The following SPEF2 variants were observed in gnomAD, a reference collection of about 807,000 sequenced individuals.
The protein encoded by SPEF2 is sperm flagella and cilia-associated protein 2.
A neutral mutation model predicts 224.6 loss-of-function variants in SPEF2; 187 were observed. The observed-to-expected ratio is 0.83, with a 90% CI of 0.74 to 0.94. SPEF2 has a LOEUF of 0.94. Among genes scored for constraint, SPEF2 ranks in the 40% least tolerant of loss-of-function variants. The pLI, the probability that SPEF2 is intolerant of heterozygous loss-of-function variation, is 0.00. For synonymous variants in SPEF2, 715 were observed against 707.3 expected (o/e 1.01, Z -0.17); for missense variants, 2,170 against 2,135.6 (o/e 1.02, Z -0.32).
intron 6 of SPEF2, among the ~76,000 whole-genome samples, chr5:35,653,854 G>A (rs1174334564): frequency 1.3e-5 from 2 of 150,970 alleles, no homozygotes; most frequent in African/African-American, 2.4e-5. Context: ...GGCTGAGGCA[G>A]GAGAATTGCT....
chr5:35,747,453 C>T (rs1357492675), intron 23 of SPEF2, among the ~76,000 whole-genome samples: 1 of 152,168 alleles, frequency 6.6e-6, no homozygotes, highest in Non-Finnish European at 1.5e-5. Context: ...ACTCACCTAA[C>T]ACATAAGGAC....
chr5:35,665,443 G>A (rs1750336966), intron 8 of SPEF2, among the ~76,000 whole-genome samples: 1 of 150,468 alleles, frequency 6.6e-6, no homozygotes, highest in South Asian at 2.1e-4. Context: ...GGAACAGAGG[G>A]AGGGAGGGAG....
At chr5:35,805,097 G>C (rs985738158) in intron 34 of SPEF2, among the ~76,000 whole-genome samples, 1 of 152,150 alleles carries the variant, frequency 6.6e-6, no homozygotes, top group African/African-American at 2.4e-5. Context: ...CTGCCATGTA[G>C]CATTTCCAGA....
chr5:35,694,501 C>A, intron 13 of SPEF2, 138 bp downstream of exon 13: 1 of 661,608 alleles, frequency 1.5e-6, no homozygotes, highest in South Asian at 2.4e-5. Flanking sequence ...TACATATGGC[C>A]ATTTGACAGA....
intron 24 of SPEF2, among the ~76,000 whole-genome samples, 192 bp from the exon 25 acceptor site, chr5:35,759,376 A>G (rs1292487992): frequency 6.6e-6 from 1 of 152,230 alleles, no homozygotes; most frequent in Admixed American, 6.5e-5. Flanking sequence ...TAGAGAATGC[A>G]AAGTCACTAG....
chr5:35,789,499 T>C (rs1755657220), intron 30 of SPEF2: 1 of 653,876 alleles, frequency 1.5e-6, no homozygotes. Flanking sequence ...CTCCCCAGAC[T>C]AGGGCCAAAA....
intron 25 of SPEF2, among the ~76,000 whole-genome samples, chr5:35,760,273 G>C (rs1252086287): frequency 6.6e-6 from 1 of 151,746 alleles, no homozygotes; most frequent in Non-Finnish European, 1.5e-5. Context: ...TGAGGCAGGA[G>C]AATGGCATGA....
At position 35,814,531 on chromosome 5, in the gene SPEF2, G is replaced by T; in HGVS notation, c.5447G>T (p.Arg1816Ile). Residue 1816 changes from arginine to isoleucine, a missense_variant, in exon 37 of 37, where the codon AGA becomes ATA. Arg to Ile is a moderately conservative substitution (Grantham distance 97). Transcript: ENST00000356031. ...QGSDGERSPS[R>I]HTEEKK ...AGTGATGGAGAGAGATCACCTTCAA[G>T]ACATACAGAGGAAAAGAAATGAAGA... is the stretch of plus-strand genomic sequence containing the variant. The T allele has an allele frequency of 3.7e-6, 6 of 1,606,592 alleles. No individual in the cohort carries two copies. Among genetic ancestry groups the T allele is most frequent in the South Asian group, 1.1e-5 (1 of 89,690 alleles).
intron 1 of SPEF2, among the ~76,000 whole-genome samples, chr5:35,626,207 A>G: frequency 6.6e-6 from 1 of 152,198 alleles, no homozygotes; most frequent in East Asian, 1.9e-4. Flanking sequence ...TTTTCTCAAG[A>G]GTTGCTTCAG....
chr5:35,639,389 C>A (rs995298855), intron 2 of SPEF2, among the ~76,000 whole-genome samples: 5 of 152,080 alleles, frequency 3.3e-5, no homozygotes, highest in Non-Finnish European at 7.4e-5. Context: ...ATGGGCATAA[C>A]CTTTGTAATG....
intron 30 of SPEF2, among the ~76,000 whole-genome samples, chr5:35,791,305 A>T (rs1755916979): frequency 1.3e-5 from 2 of 152,220 alleles, no homozygotes; most frequent in African/African-American, 4.8e-5. Context: ...CACTCTTGCT[A>T]CCCAGAAAAT....
intron 30 of SPEF2, 112 bp from the exon 31 acceptor site, chr5:35,792,228 T>C: frequency 1.6e-6 from 1 of 633,464 alleles, no homozygotes; most frequent in Non-Finnish European, 2.5e-6. Flanking sequence ...CTTACCATTT[T>C]ATATAATATG....
chr5:35,795,404 G>A (rs908196763), intron 32 of SPEF2, among the ~76,000 whole-genome samples: 1 of 152,076 alleles, frequency 6.6e-6, no homozygotes, highest in East Asian at 1.9e-4. Flanking sequence ...CGATCCAATC[G>A]TTAAAAATAG....
chr5:35,683,209 G>C (rs1440743198), intron 10 of SPEF2, among the ~76,000 whole-genome samples: 1 of 152,146 alleles, frequency 6.6e-6, no homozygotes, highest in Non-Finnish European at 1.5e-5. Flanking sequence ...ATCCAGGCTA[G>C]ACAGCAGAGT....
At chr5:35,738,065 G>A (rs1400693612) in intron 21 of SPEF2, among the ~76,000 whole-genome samples, 1 of 152,144 alleles carries the variant, frequency 6.6e-6, no homozygotes, top group Admixed American at 6.5e-5. Flanking sequence ...GGGGTTGTTT[G>A]TTTCCTTCTT....
intron 10 of SPEF2, among the ~76,000 whole-genome samples, chr5:35,682,281 C>T (rs1431596482): frequency 6.6e-6 from 1 of 152,176 alleles, no homozygotes; most frequent in East Asian, 1.9e-4. Flanking sequence ...GAAGCTTCTG[C>T]CCTAAGTCCT....
chr5:35,627,843 C>A (rs1308335821), intron 1 of SPEF2, among the ~76,000 whole-genome samples: 2 of 152,138 alleles, frequency 1.3e-5, no homozygotes, highest in Non-Finnish European at 2.9e-5. Flanking sequence ...GATTCCAGCA[C>A]AGGTATCTCT....
intron 36 of SPEF2, among the ~76,000 whole-genome samples, chr5:35,811,510 T>C (rs1758527796): frequency 6.6e-6 from 1 of 152,140 alleles, no homozygotes; most frequent in Non-Finnish European, 1.5e-5. Flanking sequence ...GGAGCTGCAC[T>C]GACTGGGTTC....
chr5:35,779,740 G>C (rs925502192), intron 30 of SPEF2, among the ~76,000 whole-genome samples: 1 of 152,210 alleles, frequency 6.6e-6, no homozygotes, highest in African/African-American at 2.4e-5. Flanking sequence ...GGCAGTAGAA[G>C]ATTTCCCTTT....
Sources: gnomAD v4.1 joint callset for allele counts (sites outside exome capture counted in the v4.1 genomes callset) on GRCh38, gnomAD v4.1.1 for gene constraint, MANE v1.5 for transcripts, NCBI Gene and HGNC (gene_info 2026-07-23, HGNC 2026-07-21) for gene names.